Variants in AIDA observed in about 807,000 individuals in gnomAD.
AIDA encodes axin interactor, dorsalization associated, also known as axin interactor, dorsalization-associated protein.
Under a neutral mutation model 42.7 loss-of-function variants are expected in AIDA, and 18 were observed. That is an observed-to-expected ratio of 0.42 (90% CI 0.29 to 0.63). The LOEUF (loss-of-function observed/expected upper bound fraction) is 0.63. AIDA is among the 20% of genes least tolerant of loss of function. The probability of loss-of-function intolerance (pLI) is 0.19; values close to 1 mark genes in which losing one functional copy is unlikely to be tolerated. For missense variants in AIDA, 250 were observed against 354.1 expected (o/e 0.71, Z 2.36); for synonymous variants, 104 against 122.9 (o/e 0.85, Z 1.02).
chr1:222,687,514 T>C (rs1469163525), intron 5 of AIDA, 81 bp downstream of exon 5: 18 of 1,209,990 alleles, frequency 1.5e-5, no homozygotes, highest in African/African-American at 3.1e-5. Flanking sequence ...AATACCAAAG[T>C]TGATATTTAA....
chr1:222,674,962 A>C (rs1250014212), intron 7 of AIDA, among the ~76,000 whole-genome samples: 1 of 152,238 alleles, frequency 6.6e-6, no homozygotes, highest in Non-Finnish European at 1.5e-5. Flanking sequence ...GCAGTTCTGT[A>C]AATGACCTAT....
At chr1:222,682,568 C>A (rs900381244) in intron 6 of AIDA, among the ~76,000 whole-genome samples, 2 of 152,082 alleles carry the variant, frequency 1.3e-5, no homozygotes, top group Non-Finnish European at 2.9e-5. Flanking sequence ...TCAACATTAT[C>A]ATAATATATA....
intron 6 of AIDA, among the ~76,000 whole-genome samples, chr1:222,681,683 C>T (rs749656881): frequency 1.1e-4 from 16 of 152,024 alleles, no homozygotes; most frequent in African/African-American, 3.9e-4. Context: ...AATAAAAGAA[C>T]GTTTTGAAAA....
intron 4 of AIDA, among the ~76,000 whole-genome samples, chr1:222,689,384 G>A (rs777947244): frequency 2.7e-5 from 4 of 150,020 alleles, no homozygotes; most frequent in South Asian, 2.1e-4. Flanking sequence ...AGGTTGCAGC[G>A]AGCGGAGATC....
chr1:222,709,432 G>GA (rs146444272), intron 1 of AIDA, among the ~76,000 whole-genome samples: 12 of 151,848 alleles, frequency 7.9e-5, no homozygotes, highest in Non-Finnish European at 8.8e-5. Flanking sequence ...CTCTGTCTCA[G>GA]AAAAAACAAA....
intron 1 of AIDA, among the ~76,000 whole-genome samples, chr1:222,704,637 T>C (rs1438054050): frequency 6.6e-6 from 1 of 151,770 alleles, no homozygotes; most frequent in Non-Finnish European, 1.5e-5. Flanking sequence ...AGATTAGTGG[T>C]TGCCAGGAGA....
At chr1:222,689,506 T>C (rs1415708306) in intron 4 of AIDA, among the ~76,000 whole-genome samples, 1 of 68,874 alleles carries the variant, frequency 1.5e-5, no homozygotes, top group Non-Finnish European at 3.0e-5. Flanking sequence ...TATATATATA[T>C]ATATATATAT....
intron 1 of AIDA, among the ~76,000 whole-genome samples, chr1:222,704,254 A>G (rs1014581324): frequency 6.6e-6 from 1 of 152,218 alleles, no homozygotes; most frequent in Non-Finnish European, 1.5e-5. Context: ...GCCACTGTGG[A>G]AAACAATTTG....
chr1:222,679,709 AC>A (rs1664619511), intron 6 of AIDA, among the ~76,000 whole-genome samples: 1 of 152,220 alleles, frequency 6.6e-6, no homozygotes, highest in Non-Finnish European at 1.5e-5. Flanking sequence ...GCTTGTAACC[AC>A]CACACCTCAT....
intron 2 of AIDA, among the ~76,000 whole-genome samples, chr1:222,702,038 T>A (rs996160506): frequency 2.0e-5 from 3 of 151,720 alleles, no homozygotes; most frequent in East Asian, 1.9e-4. Context: ...AAAAAAAAAA[T>A]TCTTTTAAAT....
chr1:222,704,630 T>C (rs1244534942), intron 1 of AIDA, among the ~76,000 whole-genome samples: 1 of 151,768 alleles, frequency 6.6e-6, no homozygotes, highest in Non-Finnish European at 1.5e-5. Flanking sequence ...AAAAAGCAGA[T>C]TAGTGGTTGC....
intron 1 of AIDA, among the ~76,000 whole-genome samples, chr1:222,706,371 G>A (rs1655837479): frequency 6.6e-6 from 1 of 152,086 alleles, no homozygotes; most frequent in Non-Finnish European, 1.5e-5. Context: ...ACTTGCATTT[G>A]AATGTTCAGG....
intron 4 of AIDA, among the ~76,000 whole-genome samples, chr1:222,689,481 G>GTATATATATATATA (rs1183093082): frequency 1.7e-4 from 6 of 35,358 alleles, no homozygotes; most frequent in Admixed American, 5.3e-4. Context: ...GTGTGTGTGT[G>GTATATATATATATA]TATATATATA....
intron 6 of AIDA, among the ~76,000 whole-genome samples, chr1:222,681,964 G>C (rs1664660854): frequency 6.6e-6 from 1 of 152,206 alleles, no homozygotes; most frequent in African/African-American, 2.4e-5. Context: ...ATCCCAGCAA[G>C]GAGTAGGATC....
chr1:222,700,684 G>A (rs1223851769), intron 2 of AIDA, among the ~76,000 whole-genome samples: 1 of 151,782 alleles, frequency 6.6e-6, no homozygotes, highest in Non-Finnish European at 1.5e-5. Flanking sequence ...GAACCCGGGA[G>A]GCGGAGCTTG....
At chr1:222,708,992 G>T (rs1319793907) in intron 1 of AIDA, among the ~76,000 whole-genome samples, 1 of 152,072 alleles carries the variant, frequency 6.6e-6, no homozygotes, top group Non-Finnish European at 1.5e-5. Context: ...GGATAGCCTA[G>T]TACTACTCTG....
intron 6 of AIDA, among the ~76,000 whole-genome samples, chr1:222,679,378 T>C (rs1478387179): frequency 6.6e-6 from 1 of 152,148 alleles, no homozygotes; most frequent in Non-Finnish European, 1.5e-5. Flanking sequence ...AAATCATACA[T>C]GAGCCATGAA....
rs572864984 is a variant in AIDA at position 222,700,305 on chromosome 1, G to C, written c.180+2843C>G. Among the ~76,000 whole-genome samples, 136 of 152,278 alleles carry C rather than the reference G, an allele frequency of 8.9e-4. 1 individual carries two copies. The highest frequency in any genetic ancestry group is 3.1e-3 in the African/African-American group (129 of 41,562). On this transcript the variant is annotated intron_variant, in intron 2 of 9. Transcript: ENST00000340020. ...AGTAGAGGACATGAGAAGATTCAGGGATACTCTGAAGATCATTTAGAGTTT... is the reference window on the plus strand; with the variant it reads ...AGTAGAGGACATGAGAAGATTCAGGCATACTCTGAAGATCATTTAGAGTTT...
intron 1 of AIDA, among the ~76,000 whole-genome samples, chr1:222,711,200 C>T (rs115154212): frequency 0.021 from 3,157 of 152,186 alleles, 100 homozygotes; most frequent in African/African-American, 0.072. Context: ...GGCGAGTTTG[C>T]AAACAATAGC....
Sources: allele counts gnomAD v4.1 joint callset (sites outside exome capture counted in the v4.1 genomes callset), GRCh38; gene constraint gnomAD v4.1.1; transcripts MANE v1.5; gene names NCBI Gene and HGNC (gene_info 2026-07-23, HGNC 2026-07-21).